Variants in TLK1 observed in about 807,000 individuals in gnomAD.
The protein encoded by TLK1 is tousled like kinase 1.
TLK1 carries 24 observed loss-of-function variants against 105.3 expected under a neutral mutation model. That is an observed-to-expected ratio of 0.23 (90% confidence interval 0.17 to 0.32). TLK1 has a LOEUF of 0.32. TLK1 is among the 10% of genes least tolerant of loss of function. TLK1 has a pLI of 1.00. For missense variants in TLK1, 558 were observed against 910.5 expected, an observed-to-expected ratio of 0.61 and a Z score of 4.98; for synonymous variants, 321 against 310.4, an observed-to-expected ratio of 1.03 and a Z score of -0.36.
chr2:171,085,445 T>C (rs1212769671), intron 2 of TLK1, among the ~76,000 whole-genome samples: 1 of 152,084 alleles, frequency 6.6e-6, no homozygotes, highest in African/African-American at 2.4e-5. Context: ...AGTCTCTTGT[T>C]GTCAGTTGTT....
At chr2:171,217,129 G>A (rs1693730617) in intron 1 of TLK1, among the ~76,000 whole-genome samples, 1 of 152,182 alleles carries the variant, frequency 6.6e-6, no homozygotes, top group Non-Finnish European at 1.5e-5. Context: ...ACTTGTTAGG[G>A]AAAGAAACAA....
intron 1 of TLK1, among the ~76,000 whole-genome samples, chr2:171,157,294 A>G (rs1243313708): frequency 6.6e-6 from 1 of 152,246 alleles, no homozygotes; most frequent in African/African-American, 2.4e-5. Flanking sequence ...TATCTAGCCA[A>G]TATGACACTA....
At chr2:171,151,384 G>A (rs1692028223) in intron 1 of TLK1, among the ~76,000 whole-genome samples, 1 of 151,600 alleles carries the variant, frequency 6.6e-6, no homozygotes, top group Non-Finnish European at 1.5e-5. Context: ...GATAATAACA[G>A]GACTTCATGT....
At chr2:171,091,367 T>A (rs1689222525) in intron 2 of TLK1, among the ~76,000 whole-genome samples, 1 of 152,208 alleles carries the variant, frequency 6.6e-6, no homozygotes, top group Non-Finnish European at 1.5e-5. Context: ...AAACATTCCT[T>A]GCATCCCTAA....
At chr2:171,212,610 G>A (rs928823749) in intron 1 of TLK1, among the ~76,000 whole-genome samples, 20 of 151,916 alleles carry the variant, frequency 1.3e-4, no homozygotes, top group African/African-American at 2.9e-4. Context: ...GTGTGACTTC[G>A]GAAAAGAAAT....
At chr2:171,181,597 C>G (rs574925293) in intron 1 of TLK1, among the ~76,000 whole-genome samples, 10 of 152,060 alleles carry the variant, frequency 6.6e-5, no homozygotes, top group African/African-American at 2.4e-4. Context: ...TGGTGGAAAG[C>G]GAAGGGGAAC....
intron 1 of TLK1, among the ~76,000 whole-genome samples, chr2:171,226,791 T>C (rs1693905298): frequency 6.6e-6 from 1 of 152,166 alleles, no homozygotes; most frequent in Middle Eastern, 3.2e-3. Flanking sequence ...AGGGTAGTGG[T>C]CATGCATACA....
At chr2:171,045,114 G>C (rs1479773303) in intron 11 of TLK1, 1 of 152,094 alleles carries the variant, frequency 6.6e-6, no homozygotes. Flanking sequence ...ATCAACAGAA[G>C]AGGTTCCTGA....
chr2:171,071,796 T>C (rs897391873), intron 3 of TLK1, among the ~76,000 whole-genome samples: 2 of 152,226 alleles, frequency 1.3e-5, no homozygotes, highest in African/African-American at 4.8e-5. Context: ...TTCTTCTGCA[T>C]ATGAATATCC....
At position 171,090,839 on chromosome 2, in the gene TLK1, T is replaced by A. The variant is rs1229148148; in HGVS notation, c.259-7987A>T. Among the ~76,000 whole-genome samples the A allele has an allele frequency of 2.0e-5, 3 of 152,172 alleles. No individual in the cohort carries two copies. The East Asian group carries it at 5.8e-4, about 29-fold the overall frequency. On this transcript the variant is annotated intron_variant, in intron 2 of 20. Transcript: ENST00000431350. ...AAAAGTTTAGTAAAAAGAACAATAT[T>A]TAAACTAGCAGACACAATAGTTTTT...
chr2:171,108,043 T>C (rs1300114832), intron 2 of TLK1, among the ~76,000 whole-genome samples: 1 of 143,500 alleles, frequency 7.0e-6, no homozygotes, highest in Non-Finnish European at 1.5e-5. Flanking sequence ...GGTGACAGAG[T>C]GAGACCCCTC....
chr2:171,066,820 C>T (rs775435657), intron 3 of TLK1: 13 of 1,549,484 alleles, frequency 8.4e-6, no homozygotes, highest in Middle Eastern at 2.2e-4. Context: ...TAAAGTTGAA[C>T]TTTCTCCCCT....
chr2:171,213,706 CT>C (rs749898652), intron 1 of TLK1, among the ~76,000 whole-genome samples: 16 of 146,314 alleles, frequency 1.1e-4, no homozygotes, highest in Non-Finnish European at 2.3e-4. Flanking sequence ...GGGAGGATCA[CT>C]TGACCCCTGG....
chr2:171,115,170 C>CTTTTTTTTTTTTTTTTTT (rs373796060), intron 2 of TLK1, among the ~76,000 whole-genome samples: 7 of 135,770 alleles, frequency 5.2e-5, no homozygotes, highest in African/African-American at 9.1e-5. Flanking sequence ...TTAAGAATTT[C>CTTTTTTTTTTTTTTTTTT]TTTCTTTTTT....
chr2:171,071,869 T>C (rs904427396), intron 3 of TLK1, among the ~76,000 whole-genome samples: 3 of 152,210 alleles, frequency 2.0e-5, no homozygotes, highest in African/African-American at 7.2e-5. Context: ...CTTGGCACCT[T>C]TGTCAAAAAC....
chr2:171,130,418 G>C lies in TLK1; in HGVS notation c.140-12561C>G, dbSNP rs115274663. 5.1e-3 allele frequency among the ~76,000 whole-genome samples: 783 copies of C among 152,052 alleles called. 8 individuals carry two copies. Among genetic ancestry groups the C allele is most frequent in the African/African-American group, 0.018 (743 of 41,498 alleles). On this transcript the variant is annotated intron_variant, in intron 1 of 20. Coordinates refer to ENST00000431350, the MANE Select transcript of TLK1 (RefSeq NM_012290.5). Reference sequence around the variant, plus strand: ...CTATCTCGGGGAAAAAAAAAATCTTGGTAATGACTATGTCCATCACAGGGT... The same window carrying C: ...CTATCTCGGGGAAAAAAAAAATCTTCGTAATGACTATGTCCATCACAGGGT...
chr2:171,066,989 T>C (rs1468796670), intron 3 of TLK1: 2 of 1,519,090 alleles, frequency 1.3e-6, no homozygotes, highest in East Asian at 4.9e-5. Flanking sequence ...AATTCAGAGC[T>C]GTGGTCTCAC....
At chr2:171,040,561 C>CTTTTTT (rs1181007351) in intron 11 of TLK1, among the ~76,000 whole-genome samples, 1 of 123,614 alleles carries the variant, frequency 8.1e-6, no homozygotes, top group African/African-American at 3.0e-5. Flanking sequence ...AAATATATTC[C>CTTTTTT]TTTTTTGTTT....
At chr2:171,143,777 G>A (rs867618840) in intron 1 of TLK1, among the ~76,000 whole-genome samples, 2 of 151,988 alleles carry the variant, frequency 1.3e-5, no homozygotes, top group Middle Eastern at 3.4e-3. Flanking sequence ...AGTAGAGGAG[G>A]GAAAGAGGAC....
Sources: allele counts gnomAD v4.1 joint callset (sites outside exome capture counted in the v4.1 genomes callset), GRCh38; gene constraint gnomAD v4.1.1; transcripts MANE v1.5; gene names NCBI Gene and HGNC (gene_info 2026-07-23, HGNC 2026-07-21).